The following ZNF676 variants were observed in gnomAD, a reference collection of about 807,000 sequenced individuals.
ZNF676 encodes zinc finger protein 676.
A neutral mutation model predicts 6.0 loss-of-function variants in ZNF676; 4 were observed. That is an observed-to-expected ratio of 0.67 (90% CI 0.33 to 1.53). The LOEUF (loss-of-function observed/expected upper bound fraction) is 1.53, where lower values mean the gene tolerates loss of function less well. ZNF676 is among the 40% of genes most tolerant of loss of function. The pLI, the probability that ZNF676 is intolerant of heterozygous loss-of-function variation, is 0.06. For synonymous variants in ZNF676, 198 were observed against 223.1 expected, an observed-to-expected ratio of 0.89 and a Z score of 1.00; for missense variants, 644 against 679.7, an observed-to-expected ratio of 0.95 and a Z score of 0.58.
At chr19:22,233,392 T>C in the ZNF676 span, among the ~76,000 whole-genome samples, 2 of 152,178 alleles carry the variant, frequency 1.3e-5, no homozygotes, top group African/African-American at 2.4e-5. Context: ...TTTGTATACA[T>C]TGTAATCTTT....
intron 1 of ZNF676, among the ~76,000 whole-genome samples, chr19:22,196,008 GTC>G (rs2023962839): frequency 6.6e-6 from 1 of 152,216 alleles, no homozygotes; most frequent in Non-Finnish European, 1.5e-5. Context: ...ATGCTGTTCT[GTC>G]TCTGTTTTCT....
the ZNF676 span, among the ~76,000 whole-genome samples, chr19:22,229,548 C>T: frequency 2.0e-3 from 312 of 152,276 alleles, no homozygotes; most frequent in Middle Eastern, 3.4e-3. Flanking sequence ...AAGAAACTAT[C>T]ATCAGAGTGA....
At chr19:22,257,407 C>T in the ZNF676 span, among the ~76,000 whole-genome samples, 46 of 152,256 alleles carry the variant, frequency 3.0e-4, 2 homozygotes, top group East Asian at 8.3e-3. Context: ...ACCAAAAATA[C>T]GCAAGGCCCA....
intron 2 of ZNF676, among the ~76,000 whole-genome samples, chr19:22,189,002 A>G (rs2144744900): frequency 6.8e-6 from 1 of 147,462 alleles, no homozygotes; most frequent in East Asian, 2.0e-4. Context: ...AGAAAAAACT[A>G]CTTTAAATTT....
exon 1 of ZNF676, chr19:22,215,717 C>G (rs1236410870): frequency 3.8e-6 from 6 of 1,559,126 alleles, no homozygotes; most frequent in East Asian, 2.3e-5. Flanking sequence ...GGCTGGGACT[C>G]TAGGAACAGT....
chr19:22,187,182 A>C (rs1470563851), intron 2 of ZNF676, among the ~76,000 whole-genome samples: 1 of 152,222 alleles, frequency 6.6e-6, no homozygotes, highest in African/African-American at 2.4e-5. Flanking sequence ...CTCAGACCAC[A>C]GTGCAATCAA....
chr19:22,240,638 A>G, the ZNF676 span, among the ~76,000 whole-genome samples: 1 of 151,986 alleles, frequency 6.6e-6, no homozygotes. Context: ...TACTAAAAAT[A>G]CAAAATACAC....
chr19:22,250,262 C>T, the ZNF676 span, among the ~76,000 whole-genome samples: 17 of 150,574 alleles, frequency 1.1e-4, no homozygotes, highest in African/African-American at 3.7e-4. Flanking sequence ...CTCTTTTAAA[C>T]AAGATTTTTA....
intron 1 of ZNF676, among the ~76,000 whole-genome samples, chr19:22,205,675 T>C (rs2024070044): frequency 6.6e-6 from 1 of 151,830 alleles, no homozygotes; most frequent in South Asian, 2.1e-4. Context: ...AAAAGAAAAA[T>C]TTATATCATT....
rs376047594 is a variant in ZNF676, at chr19:22,193,062, T to C, written c.84A>G (p.Lys28=). The change falls in exon 2 of 3, where the codon AAA becomes AAG. Residue 28 remains lysine, a synonymous_variant. Transcript: ENST00000397121. ...PDLIIFLEQG[K]EPWNMKRHEM... Reference sequence around the variant, plus strand: ...CATGTCTCTTCATATTCCAGGGCTCTTTTCCTTGCTCCAGAAAAATGATCA... The same window carrying C: ...CATGTCTCTTCATATTCCAGGGCTCCTTTCCTTGCTCCAGAAAAATGATCA... 1.9e-6 allele frequency: 3 copies of C among 1,610,254 alleles called. No homozygotes were observed. The highest frequency in any genetic ancestry group is 1.3e-5 in the African/African-American group (1 of 74,492).
chr19:22,188,035 C>G (rs770414053), intron 2 of ZNF676, among the ~76,000 whole-genome samples: 15 of 151,984 alleles, frequency 9.9e-5, no homozygotes, highest in Non-Finnish European at 1.6e-4. Context: ...ATCCTGATAC[C>G]AAAGCCTGGC....
In ZNF676 at chr19:22,180,086, C is replaced by G; in HGVS notation, c.1631G>C (p.Arg544Thr). The G allele has an allele frequency of 6.2e-7, 1 of 1,612,396 alleles. No individual in the cohort carries two copies. Among genetic ancestry groups the G allele is most frequent in the Non-Finnish European group, 8.5e-7 (1 of 1,179,408 alleles). Reference sequence around the variant, plus strand: ...CTTGTGTCTAGTAAGGCTTGAGGATCTGCTGAAGGCTTTGCCACATTCTTC... The same window carrying G: ...CTTGTGTCTAGTAAGGCTTGAGGATGTGCTGAAGGCTTTGCCACATTCTTC... The part of the protein sequence containing the change: ...KCEECGKAFS[R>T]SSSLTRHKRI... Residue 544 changes from arginine to threonine, a missense_variant, in exon 3 of 3, where the codon AGA becomes ACA. Coordinates refer to ENST00000397121, the MANE Select transcript of ZNF676 (RefSeq NM_001001411.3).
chr19:22,257,656 A>G, the ZNF676 span, among the ~76,000 whole-genome samples: 5 of 152,244 alleles, frequency 3.3e-5, no homozygotes, highest in Non-Finnish European at 7.3e-5. Context: ...GAGGAGAGTC[A>G]CATAACCTAG....
the ZNF676 span, among the ~76,000 whole-genome samples, chr19:22,224,297 A>G: frequency 5.3e-5 from 8 of 151,660 alleles, no homozygotes; most frequent in African/African-American, 1.9e-4. Flanking sequence ...TTTACGTATT[A>G]TAATTCTAGA....
Position 22,185,043 on chromosome 19 carries a change from T to G in ZNF676, c.131-3457A>C, listed in dbSNP as rs192632540. ...TAAGGGTCATACTGCCACCTCAAGTTGGTCCCTGACATCCGTGTCTCCTGA... is the reference window on the plus strand; with the variant it reads ...TAAGGGTCATACTGCCACCTCAAGTGGGTCCCTGACATCCGTGTCTCCTGA... On this transcript the variant is annotated intron_variant, in intron 2 of 2. Transcript: ENST00000397121. 2.3e-3 allele frequency among the ~76,000 whole-genome samples: 346 copies of G among 152,152 alleles called. 3 individuals are homozygous for G. The highest frequency in any genetic ancestry group is 1.5e-3 in the Non-Finnish European group (103 of 68,004).
In ZNF676 at chr19:22,181,518, T is replaced by C; in HGVS notation, c.199A>G (p.Ile67Val). The C allele has an allele frequency of 1.2e-6, 2 of 1,611,624 alleles. No homozygotes were observed. Among genetic ancestry groups the C allele is most frequent in the South Asian group, 1.1e-5 (1 of 90,688 alleles). ...QGIEDSFQKM[I>V]LRRYDKCGHE... ...CCACATTTGTCATATCTTCTCAATA[T>C]CATTTTTTGGAAAGAATCTTCTATG... The change falls in exon 3 of 3, where the codon ATA becomes GTA. Residue 67 changes from isoleucine (I) to valine (V), a missense_variant. Ile to Val is a conservative substitution (Grantham distance 29, BLOSUM62 3). Coordinates refer to ENST00000397121, the MANE Select transcript of ZNF676 (RefSeq NM_001001411.3).
chr19:22,181,204 A>C lies in ZNF676; in HGVS notation c.513T>G (p.Cys171Trp), dbSNP rs776826213. 6.2e-7 allele frequency: 1 copy of C among 1,613,944 alleles called. No homozygotes were observed. The highest frequency in any genetic ancestry group is 1.1e-5 in the South Asian group (1 of 91,072). Residue 171 changes from cysteine (C) to tryptophan (W), a missense_variant, in exon 3 of 3, where the codon TGT becomes TGG. Physicochemically the swap from Cys to Trp is radical, Grantham distance 215. Around this residue, in one of 5 missense-constraint regions of ZNF676, gnomAD observed 280 missense variants for 269.3 expected, o/e 1.04. Transcript: ENST00000397121. Reference protein sequence around the residue: ...RIYTRENSYKCEENGKAFNWS... With the variant: ...RIYTRENSYKWEENGKAFNWS... ...AGTTAAAAGCTTTGCCATTTTCTTC[A>C]CATTTGTAGGAATTCTCTCTAGTAT...
At chr19:22,197,894 T>A (rs2023985752), upstream of ZNF676, among the ~76,000 whole-genome samples, 2 of 152,110 alleles carry the variant, frequency 1.3e-5, no homozygotes, top group Admixed American at 1.3e-4. Context: ...TTGCCCCCCC[T>A]CTGAAAGGTA....
chr19:22,226,256 A>G, the ZNF676 span, among the ~76,000 whole-genome samples: 12 of 151,822 alleles, frequency 7.9e-5, no homozygotes, highest in Non-Finnish European at 1.6e-4. Context: ...CTCTATTCTG[A>G]TTTATCATCT....
Sources: allele counts gnomAD v4.1 joint callset (sites outside exome capture counted in the v4.1 genomes callset), GRCh38; gene constraint gnomAD v4.1.1; regional missense constraint gnomAD v4.1.1; transcripts MANE v1.5; gene names NCBI Gene and HGNC (gene_info 2026-07-23, HGNC 2026-07-21).